YAF2: variants seen among roughly 807,000 people sequenced by gnomAD.
YAF2 encodes the protein YY1-associated factor 2.
In YAF2, 7 loss-of-function variants were observed where a neutral mutation model predicts 20.1. The ratio of observed to expected loss-of-function variants is 0.35; its 90% CI spans 0.20 to 0.65. The LOEUF is 0.65. Among genes scored for constraint, YAF2 ranks in the 30% least tolerant of loss-of-function variants. The pLI is 0.69. For missense variants in YAF2, 151 were observed against 219.2 expected, an observed-to-expected ratio of 0.69 and a Z score of 1.96; for synonymous variants, 74 against 76.0, an observed-to-expected ratio of 0.97 and a Z score of 0.14.
In YAF2 at chr12:42,160,580, A is replaced by G. The variant is rs2065776585; in HGVS notation, c.*9T>C. 2.5e-6 allele frequency: 4 copies of G among 1,607,428 alleles called. No homozygotes were observed. The highest frequency in any genetic ancestry group is 2.6e-6 in the Non-Finnish European group (3 of 1,175,324). ...ACAGAAGTGACTAAGAAATTGGAGA[A>G]AATAAACTTTAATGAGATTCTCCAT... On this transcript the variant is annotated 3_prime_UTR_variant, in exon 4 of 4. Transcript: ENST00000534854.
chr12:42,208,194 G>A (rs190838062), intron 2 of YAF2, among the ~76,000 whole-genome samples: 4 of 152,250 alleles, frequency 2.6e-5, no homozygotes, highest in Admixed American at 1.3e-4. Flanking sequence ...TTGGGAGGCC[G>A]AGGCGGGCAG....
chr12:42,201,215 CAA>C (rs2066889848), intron 2 of YAF2, among the ~76,000 whole-genome samples: 1 of 152,106 alleles, frequency 6.6e-6, no homozygotes, highest in South Asian at 2.1e-4. Flanking sequence ...GGCAACTGTT[CAA>C]GTTTCTCTAG....
In YAF2 at chr12:42,221,232, T is replaced by G. The variant is rs187190012; in HGVS notation, c.152+16367A>C. 3.2e-4 allele frequency among the ~76,000 whole-genome samples: 49 copies of G among 152,298 alleles called. 1 individual carries two copies. The highest frequency in any genetic ancestry group is 5.9e-4 in the Admixed American group (9 of 15,294). ...ATTATAAGAAGAAATCTTTAAGAAG[T>G]TACTTGCTAGCAAATTTAATTAAAT... On this transcript the variant is annotated intron_variant, in intron 2 of 3. Transcript: ENST00000534854.
chr12:42,181,130 A>G (rs2066331573), intron 2 of YAF2, among the ~76,000 whole-genome samples: 1 of 152,204 alleles, frequency 6.6e-6, no homozygotes, highest in African/African-American at 2.4e-5. Context: ...ATTAGGTTAC[A>G]GCACATTCAG....
intron 2 of YAF2, among the ~76,000 whole-genome samples, chr12:42,215,193 C>CAA (rs1220974743): frequency 4.6e-5 from 7 of 152,140 alleles, no homozygotes; most frequent in African/African-American, 1.7e-4. Flanking sequence ...CTTGGCTACT[C>CAA]CTTTCTTATT....
chr12:42,191,122 G>T (rs2066601706), intron 2 of YAF2, among the ~76,000 whole-genome samples: 1 of 152,026 alleles, frequency 6.6e-6, no homozygotes, highest in South Asian at 2.1e-4. Context: ...CTTTGATGCA[G>T]CAAGGACTGA....
intron 2 of YAF2, among the ~76,000 whole-genome samples, chr12:42,205,055 TAA>T (rs200657939): frequency 6.9e-6 from 1 of 144,566 alleles, no homozygotes; most frequent in Non-Finnish European, 1.5e-5. Context: ...AAGTTGTTAT[TAA>T]AAAAAAAAAA....
At chr12:42,235,001 GA>G (rs1459463918) in intron 2 of YAF2, 4 of 985,050 alleles carry the variant, frequency 4.1e-6, no homozygotes, top group East Asian at 2.3e-4. Context: ...AAAGAAAAAA[GA>G]AAAAAAGAAG....
chr12:42,191,543 T>C (rs2066612719), intron 2 of YAF2, among the ~76,000 whole-genome samples: 1 of 152,200 alleles, frequency 6.6e-6, no homozygotes, highest in Admixed American at 6.5e-5. Context: ...ATGGGGCCTT[T>C]ATACTTTTAA....
At chr12:42,222,937 C>CTTTTTTTTTT (rs75277041) in intron 2 of YAF2, among the ~76,000 whole-genome samples, 2 of 140,912 alleles carry the variant, frequency 1.4e-5, no homozygotes, top group Non-Finnish European at 3.1e-5. Context: ...CTGCCAAATT[C>CTTTTTTTTTT]TTTTTTTTTT....
rs33934066 is a variant in YAF2 at position 42,206,297 on chromosome 12, TAAA to T, written c.152+31299_152+31301del. 5.3e-3 allele frequency among the ~76,000 whole-genome samples: 689 copies of T among 130,950 alleles called. 5 individuals carry two copies. Among genetic ancestry groups the T allele is most frequent in the African/African-American group, 0.016 (553 of 34,750 alleles). The allele number at this position is 130,950 out of a possible 152,430, so 85.9% of individuals were successfully genotyped here. ...AATTATAATGCAATATGCTCTTAGT[TAAA>T]AAAAAAAAAAAAAAAAAGTGACGTC... On this transcript the variant is annotated intron_variant, in intron 2 of 3. Coordinates refer to ENST00000534854, the MANE Select transcript of YAF2 (RefSeq NM_005748.6).
intron 2 of YAF2, among the ~76,000 whole-genome samples, chr12:42,214,426 C>T (rs989481893): frequency 6.6e-6 from 1 of 152,094 alleles, no homozygotes; most frequent in African/African-American, 2.4e-5. Flanking sequence ...CTCATGCTAC[C>T]ATGCCCGGCT....
At chr12:42,173,228 A>T (rs1426835911) in intron 2 of YAF2, among the ~76,000 whole-genome samples, 1 of 152,134 alleles carries the variant, frequency 6.6e-6, no homozygotes, top group Non-Finnish European at 1.5e-5. Flanking sequence ...AGCAGCTAAG[A>T]CTATAGTCAC....
intron 2 of YAF2, among the ~76,000 whole-genome samples, chr12:42,216,992 T>C (rs371578330): frequency 1.1e-4 from 16 of 152,296 alleles, no homozygotes; most frequent in Middle Eastern, 6.8e-3. Context: ...ACATCTATAA[T>C]ACATTCATTT....
intron 2 of YAF2, among the ~76,000 whole-genome samples, chr12:42,175,472 A>G (rs2066157389): frequency 6.6e-6 from 1 of 151,888 alleles, no homozygotes; most frequent in Non-Finnish European, 1.5e-5. Context: ...AGGTATATTC[A>G]TATGTCAAAA....
At chr12:42,233,547 T>C in intron 2 of YAF2, 1 of 903,744 alleles carries the variant, frequency 1.1e-6, no homozygotes, top group Non-Finnish European at 1.3e-6. Context: ...GGTCTCACTC[T>C]GTTGCCCAGG....
intron 2 of YAF2, among the ~76,000 whole-genome samples, chr12:42,220,562 G>C (rs926804341): frequency 1.3e-5 from 2 of 152,066 alleles, no homozygotes; most frequent in Non-Finnish European, 1.5e-5. Context: ...AAAAATGGAT[G>C]GAACAAAGAG....
At chr12:42,197,357 G>A (rs1721372497) in intron 2 of YAF2, among the ~76,000 whole-genome samples, 1 of 152,216 alleles carries the variant, frequency 6.6e-6, no homozygotes, top group Non-Finnish European at 1.5e-5. Context: ...TAGGGGCAAT[G>A]AAGTTAAATA....
chr12:42,215,411 T>C (rs2067323973), intron 2 of YAF2, among the ~76,000 whole-genome samples: 1 of 151,454 alleles, frequency 6.6e-6, no homozygotes, highest in Admixed American at 6.6e-5. Context: ...TACACAAAAT[T>C]GAAATTAAAA....
Sources: allele counts gnomAD v4.1 joint callset (sites outside exome capture counted in the v4.1 genomes callset), GRCh38; gene constraint gnomAD v4.1.1; transcripts MANE v1.5; gene names NCBI Gene and HGNC (gene_info 2026-07-23, HGNC 2026-07-21).